EXOC6B: variants seen among roughly 807,000 people sequenced by gnomAD.
EXOC6B encodes SEC15 homolog B.
A neutral mutation model predicts 113.5 loss-of-function variants in EXOC6B; 54 were observed. That is an observed-to-expected ratio of 0.48 (90% CI 0.38 to 0.60). The LOEUF (loss-of-function observed/expected upper bound fraction) is 0.60, where lower values mean the gene tolerates loss of function less well. Among genes scored for constraint, EXOC6B ranks in the 20% least tolerant of loss-of-function variants. The probability of loss-of-function intolerance (pLI) is 0.00; values close to 1 mark genes in which losing one functional copy is unlikely to be tolerated. For synonymous variants in EXOC6B, 357 were observed against 339.0 expected, an observed-to-expected ratio of 1.05 and a Z score of -0.58; for missense variants, 797 against 977.5, an observed-to-expected ratio of 0.82 and a Z score of 2.46.
chr2:72,366,527 A>G (rs1420378425), intron 19 of EXOC6B, among the ~76,000 whole-genome samples: 1 of 152,110 alleles, frequency 6.6e-6, no homozygotes, highest in Non-Finnish European at 1.5e-5. Flanking sequence ...AAGATATTCA[A>G]AGAAATAATA....
intron 18 of EXOC6B, among the ~76,000 whole-genome samples, chr2:72,383,491 T>A (rs573095583): frequency 6.6e-6 from 1 of 150,890 alleles, no homozygotes; most frequent in African/African-American, 2.4e-5. Flanking sequence ...AAAAAAAAAT[T>A]AAAAAAACAG....
chr2:72,445,982 A>G (rs984331860), intron 18 of EXOC6B, among the ~76,000 whole-genome samples: 3 of 152,236 alleles, frequency 2.0e-5, no homozygotes, highest in Non-Finnish European at 4.4e-5. Context: ...ATTAAAAAGT[A>G]AACAAAAATA....
At position 72,397,095 on chromosome 2, in the gene EXOC6B, TCA is replaced by T. The variant is rs762733406; in HGVS notation, c.1981-17227_1981-17226del. ...AAAAATTATAATTCTCAGCCTGTTG[TCA>T]GATAGGAAAGGCAAAGAATTTGAAA... On this transcript the variant is annotated intron_variant, in intron 18 of 21. Coordinates refer to ENST00000272427, the MANE Select transcript of EXOC6B (RefSeq NM_015189.3). 6.6e-5 allele frequency among the ~76,000 whole-genome samples: 10 copies of T among 152,170 alleles called. 1 individual carries two copies. Among genetic ancestry groups the T allele is most frequent in the Non-Finnish European group, 1.0e-4 (7 of 68,026 alleles).
chr2:72,823,150 T>TAAAA (rs778304758), intron 1 of EXOC6B, among the ~76,000 whole-genome samples: 1 of 73,834 alleles, frequency 1.4e-5, no homozygotes, highest in African/African-American at 4.8e-5. Context: ...TGTAATCTGC[T>TAAAA]AAAAAAAAAA....
At chr2:72,265,291 T>C (rs900351771) in intron 20 of EXOC6B, among the ~76,000 whole-genome samples, 18 of 150,428 alleles carry the variant, frequency 1.2e-4, no homozygotes, top group Non-Finnish European at 2.2e-4. Context: ...TGAGGGTACA[T>C]GTGCACAATG....
rs577497484 is a variant in EXOC6B, at chr2:72,647,235, T to C, written c.669+70868A>G. On this transcript the variant is annotated intron_variant, in intron 6 of 21. Coordinates refer to ENST00000272427, the MANE Select transcript of EXOC6B (RefSeq NM_015189.3). ...CAACTTACAAGGGATGTGAAGGACC[T>C]CTTCAAGGAGAACTACAAACCACTG... 5.3e-5 allele frequency among the ~76,000 whole-genome samples: 8 copies of C among 152,162 alleles called. No homozygotes were observed. The South Asian group carries it at 1.7e-3, about 32-fold the overall frequency.
At chr2:72,531,273 A>G (rs1274816791) in intron 8 of EXOC6B, among the ~76,000 whole-genome samples, 3 of 152,198 alleles carry the variant, frequency 2.0e-5, no homozygotes, top group Admixed American at 6.5e-5. Context: ...ATTACATTAT[A>G]TAGACATAAT....
intron 6 of EXOC6B, among the ~76,000 whole-genome samples, chr2:72,598,867 T>C (rs1385883067): frequency 6.6e-6 from 1 of 152,096 alleles, no homozygotes; most frequent in African/African-American, 2.4e-5. Flanking sequence ...GTAATTTAAA[T>C]ATATCTGTAT....
chr2:72,270,745 T>G (rs1684429373), intron 20 of EXOC6B, among the ~76,000 whole-genome samples: 1 of 152,064 alleles, frequency 6.6e-6, no homozygotes, highest in East Asian at 1.9e-4. Flanking sequence ...TTATTGAAAT[T>G]AATAATGCAT....
In EXOC6B at chr2:72,784,429, T is replaced by G. The variant is rs527302489; in HGVS notation, c.113+41369A>C. 2.6e-5 allele frequency among the ~76,000 whole-genome samples: 4 copies of G among 152,336 alleles called. No individual in the cohort carries two copies. In the East Asian group the frequency reaches 7.7e-4, roughly 29 times the overall value. On this transcript the variant is annotated intron_variant, in intron 1 of 21. Coordinates refer to ENST00000272427, the MANE Select transcript of EXOC6B (RefSeq NM_015189.3). ...ATTGCATTGAATCTGTAGATTGTTTTGGGTAGTGTATTAGTCCATTTTTAC... is the reference window on the plus strand; with the variant it reads ...ATTGCATTGAATCTGTAGATTGTTTGGGGTAGTGTATTAGTCCATTTTTAC...
chr2:72,739,126 G>A (rs1343971021), intron 2 of EXOC6B, among the ~76,000 whole-genome samples: 1 of 152,070 alleles, frequency 6.6e-6, no homozygotes, highest in Non-Finnish European at 1.5e-5. Context: ...ATTTCAAATA[G>A]ATGCACCACA....
At chr2:72,294,982 C>G (rs538386608) in intron 20 of EXOC6B, among the ~76,000 whole-genome samples, 1 of 152,012 alleles carries the variant, frequency 6.6e-6, no homozygotes, top group Non-Finnish European at 1.5e-5. Flanking sequence ...CCTGTAATCC[C>G]AGCACTTTGG....
intron 20 of EXOC6B, among the ~76,000 whole-genome samples, chr2:72,207,238 T>C (rs1679892962): frequency 6.6e-6 from 1 of 152,246 alleles, no homozygotes; most frequent in African/African-American, 2.4e-5. Flanking sequence ...TTTTTCTACA[T>C]TACCCAATGT....
chr2:72,800,594 C>T (rs574107405), intron 1 of EXOC6B, among the ~76,000 whole-genome samples: 1 of 152,232 alleles, frequency 6.6e-6, no homozygotes, highest in East Asian at 1.9e-4. Flanking sequence ...CTCACAACAG[C>T]CTTGTAAGAC....
chr2:72,356,796 T>C (rs902365102), intron 19 of EXOC6B, among the ~76,000 whole-genome samples: 11 of 152,124 alleles, frequency 7.2e-5, no homozygotes, highest in Non-Finnish European at 1.0e-4. Flanking sequence ...ATGGTTTCAG[T>C]CATCTATGGT....
chr2:72,374,468 C>T (rs1691229894), intron 19 of EXOC6B, among the ~76,000 whole-genome samples: 2 of 152,054 alleles, frequency 1.3e-5, no homozygotes, highest in South Asian at 4.1e-4. Flanking sequence ...TGCATGTTCT[C>T]ACTTATATGT....
At chr2:72,697,465 C>G (rs991628520) in intron 6 of EXOC6B, among the ~76,000 whole-genome samples, 1 of 151,964 alleles carries the variant, frequency 6.6e-6, no homozygotes, top group Non-Finnish European at 1.5e-5. Context: ...GTAGGCAGAT[C>G]GCTTGAACTC....
At chr2:72,609,356 G>A (rs754652949) in intron 6 of EXOC6B, among the ~76,000 whole-genome samples, 1 of 151,932 alleles carries the variant, frequency 6.6e-6, no homozygotes, top group Non-Finnish European at 1.5e-5. Context: ...AAACAAGAGG[G>A]AAAAGGTAGA....
intron 20 of EXOC6B, among the ~76,000 whole-genome samples, chr2:72,235,123 A>G (rs1014254361): frequency 2.6e-5 from 4 of 152,228 alleles, no homozygotes; most frequent in Non-Finnish European, 5.9e-5. Flanking sequence ...CACTATTCAC[A>G]ATAACAAAGA....
Sources: allele counts gnomAD v4.1 joint callset (sites outside exome capture counted in the v4.1 genomes callset), GRCh38; gene constraint gnomAD v4.1.1; transcripts MANE v1.5; gene names NCBI Gene and HGNC (gene_info 2026-07-23, HGNC 2026-07-21).